Variants in COL27A1 observed in about 807,000 individuals in gnomAD.
COL27A1 encodes collagen alpha-1(XXVII) chain.
A neutral mutation model predicts 251.3 loss-of-function variants in COL27A1; 106 were observed. The observed-to-expected ratio is 0.42, with a 90% CI of 0.36 to 0.50. COL27A1 has a LOEUF of 0.50. Among genes scored for constraint, COL27A1 ranks in the 20% least tolerant of loss-of-function variants. The pLI, the probability that COL27A1 is intolerant of heterozygous loss-of-function variation, is 0.00. For synonymous variants in COL27A1, 1,000 were observed against 986.3 expected (o/e 1.01, Z -0.26); for missense variants, 2,325 against 2,522.8 (o/e 0.92, Z 1.68).
intron 60 of COL27A1, 107 bp from the exon 61 acceptor site, chr9:114,310,442 A>G: frequency 1.7e-6 from 2 of 1,202,442 alleles, no homozygotes; most frequent in African/African-American, 3.0e-5. Context: ...ACAATGAAAT[A>G]CAGTATAGCC....
chr9:114,158,734 C>G (rs1417010217), intron 1 of COL27A1, among the ~76,000 whole-genome samples: 3 of 152,224 alleles, frequency 2.0e-5, no homozygotes, highest in African/African-American at 7.2e-5. Context: ...AGCCAACTTT[C>G]CAGGCCTGGA....
chr9:114,253,229 T>G (rs1833661911), intron 27 of COL27A1, among the ~76,000 whole-genome samples: 1 of 149,418 alleles, frequency 6.7e-6, no homozygotes, highest in Non-Finnish European at 1.5e-5. Flanking sequence ...CACTGCACTC[T>G]GCCTGGGTGA....
chr9:114,157,018 C>G (rs1848164222), intron 1 of COL27A1, among the ~76,000 whole-genome samples: 1 of 152,040 alleles, frequency 6.6e-6, no homozygotes, highest in Non-Finnish European at 1.5e-5. Context: ...CTTTCTTCCC[C>G]ATGTCTTGGA....
At chr9:114,219,654 C>A (rs917313398) in intron 12 of COL27A1, 137 bp from the exon 13 acceptor site, 1 of 656,758 alleles carries the variant, frequency 1.5e-6, no homozygotes, top group East Asian at 2.6e-5. Context: ...ACCTCAGGAC[C>A]GCACTGTCTG....
intron 5 of COL27A1, among the ~76,000 whole-genome samples, chr9:114,183,877 G>A (rs1823519632): frequency 6.6e-6 from 1 of 152,170 alleles, no homozygotes; most frequent in Admixed American, 6.5e-5. Flanking sequence ...CTGATGCTTT[G>A]ATGATATGGG....
intron 10 of COL27A1, 137 bp downstream of exon 10, chr9:114,206,433 G>A (rs1829972154): frequency 2.3e-6 from 2 of 859,604 alleles, no homozygotes; most frequent in African/African-American, 3.3e-5. Context: ...GACAACAGAG[G>A]GGCAGCAGGA....
At position 114,310,641 on chromosome 9, in the gene COL27A1, T is replaced by A. The variant is rs1220510532; in HGVS notation, c.5529T>A (p.Pro1843=). The change falls in exon 61 of 61, where the codon CCT becomes CCA. Residue 1843 remains proline, a synonymous_variant. Coordinates refer to ENST00000356083, the MANE Select transcript of COL27A1 (RefSeq NM_032888.4). ...LPIISVDNLP[P]ASSGKQYRLE... ...TCATCAGTGTGGACAACCTCCCTCCTGCCTCATCAGGGAAGCAGTACCGCC... is the reference window on the plus strand; with the variant it reads ...TCATCAGTGTGGACAACCTCCCTCCAGCCTCATCAGGGAAGCAGTACCGCC... 1.2e-6 allele frequency: 2 copies of A among 1,614,050 alleles called. No individual in the cohort carries two copies. Among genetic ancestry groups the A allele is most frequent in the African/African-American group, 2.7e-5 (2 of 74,922 alleles).
chr9:114,180,824 A>T (rs983311355), intron 4 of COL27A1, among the ~76,000 whole-genome samples: 4 of 151,574 alleles, frequency 2.6e-5, no homozygotes, highest in African/African-American at 9.7e-5. Flanking sequence ...AATACTGGAG[A>T]GGGTTGGGGA....
intron 22 of COL27A1, among the ~76,000 whole-genome samples, chr9:114,243,294 G>T (rs1438016730): frequency 1.3e-5 from 2 of 152,196 alleles, no homozygotes; most frequent in African/African-American, 2.4e-5. Context: ...ACCCAGGGAT[G>T]GGGGAGGCTT....
In COL27A1 at chr9:114,308,088, CAGCATGAAATAAAAGAGAAAACT is replaced by C. The variant is rs1190101827; in HGVS notation, c.5217+318_5217+340del. ...CCTGGCTTGTGGAACTATGAATCAT[CAGCATGAAATAAAAGAGAAAACT>C]AGCATGATGCTCATCTGAAGCATGT... On this transcript the variant is annotated intron_variant, in intron 59 of 60. Transcript: ENST00000356083. 8.0e-4 allele frequency among the ~76,000 whole-genome samples: 122 copies of C among 152,210 alleles called. 1 individual carries two copies. The highest frequency in any genetic ancestry group is 1.3e-4 in the Admixed American group (2 of 15,282).
intron 4 of COL27A1, among the ~76,000 whole-genome samples, chr9:114,182,029 C>T (rs549224586): frequency 6.6e-6 from 1 of 151,966 alleles, no homozygotes; most frequent in Non-Finnish European, 1.5e-5. Flanking sequence ...GCTCTCAACT[C>T]CAAAGACTCA....
At chr9:114,263,890 G>T (rs998056536) in intron 28 of COL27A1, among the ~76,000 whole-genome samples, 1 of 152,222 alleles carries the variant, frequency 6.6e-6, no homozygotes, top group Non-Finnish European at 1.5e-5. Context: ...CATCTGGGAA[G>T]GACATGCAGG....
intron 5 of COL27A1, among the ~76,000 whole-genome samples, chr9:114,189,153 G>A (rs1314496949): frequency 5.9e-5 from 9 of 152,160 alleles, no homozygotes; most frequent in Admixed American, 5.9e-4. Flanking sequence ...TTTAAGGTCA[G>A]ATAGGTATTC....
intron 50 of COL27A1, 54 bp from the exon 51 acceptor site, chr9:114,300,571 G>A (rs969736890): frequency 1.4e-6 from 2 of 1,427,580 alleles, no homozygotes; most frequent in Admixed American, 2.3e-5. Context: ...AGCTGTGGGG[G>A]CCCTTTACCC....
chr9:114,258,309 C>A (rs189996444), intron 27 of COL27A1, among the ~76,000 whole-genome samples: 13 of 152,196 alleles, frequency 8.5e-5, no homozygotes, highest in Non-Finnish European at 1.5e-4. Context: ...CGAGGCCCAT[C>A]CCCCTATAGC....
Position 114,265,592 on chromosome 9 carries a change from T to A in COL27A1, c.3393+117T>A, listed in dbSNP as rs1312479588. ...GGACCATGCCTGGCCTCTAACCCGC[T>A]GTGGGCCAGGCCTTGGGGTTGGTGG... On this transcript the variant is annotated intron_variant, in intron 32 of 60. Transcript: ENST00000356083. 5 of 986,324 alleles carry A rather than the reference T, an allele frequency of 5.1e-6. No individual in the cohort carries two copies. In the African/African-American group the frequency reaches 6.5e-5, roughly 13 times the overall value. The allele number at this position is 986,324 out of a possible 1,614,324, so 61.1% of individuals were successfully genotyped here.
Position 114,226,507 on chromosome 9 carries a change from T to C in COL27A1, c.2466+4240T>C, listed in dbSNP as rs117750083. Among the ~76,000 whole-genome samples the C allele has an allele frequency of 3.9e-3, 591 of 152,338 alleles. 1 individual carries two copies. The highest frequency in any genetic ancestry group is 6.6e-3 in the Non-Finnish European group (448 of 68,036). On this transcript the variant is annotated intron_variant, in intron 14 of 60. Transcript: ENST00000356083. ...TCACAGCTCACACTCTCCACTGTTG[T>C]ACTATATCCCCAGCTCCTCAAGACT...
At chr9:114,156,575 G>A (rs916312741) in intron 1 of COL27A1, among the ~76,000 whole-genome samples, 1 of 152,130 alleles carries the variant, frequency 6.6e-6, no homozygotes, top group East Asian at 1.9e-4. Flanking sequence ...GGGTCTGTGT[G>A]TCTGTGTTTC....
In COL27A1 at chr9:114,307,470, G is replaced by A; in HGVS notation, c.5108-199G>A. On this transcript the variant is annotated intron_variant, in intron 58 of 60. Transcript: ENST00000356083. ...TACTTAGCCATGTGACCCCTCCTCT[G>A]GGGGCTCTGCCAGTTGTGAGCTCTG... is the stretch of plus-strand genomic sequence containing the variant. The A allele has an allele frequency of 6.9e-6, 4 of 575,590 alleles. No individual in the cohort carries two copies. In the Middle Eastern group the frequency reaches 1.6e-3, roughly 229 times the overall value. The allele number at this position is 575,590 out of a possible 1,614,324, so 35.7% of individuals were successfully genotyped here.
Sources: allele counts gnomAD v4.1 joint callset (sites outside exome capture counted in the v4.1 genomes callset), GRCh38; gene constraint gnomAD v4.1.1; transcripts MANE v1.5; gene names NCBI Gene and HGNC (gene_info 2026-07-23, HGNC 2026-07-21).